RFX2: variants seen among roughly 807,000 people sequenced by gnomAD.
RFX2 encodes regulatory factor X2.
A neutral mutation model predicts 87.8 loss-of-function variants in RFX2; 20 were observed. That is an observed-to-expected ratio of 0.23 (90% CI 0.16 to 0.33). The LOEUF (loss-of-function observed/expected upper bound fraction) is 0.33. Ranked by LOEUF, RFX2 falls within the 10% of genes least tolerant of loss-of-function variation. The pLI is 1.00. For missense variants in RFX2, 767 were observed against 1,012.3 expected (o/e 0.76, Z 3.29); for synonymous variants, 397 against 431.3 (o/e 0.92, Z 0.98).
Position 6,017,078 on chromosome 19 carries a change from T to G in RFX2, c.598-807A>C, listed in dbSNP as rs2086735918. On this transcript the variant is annotated intron_variant, in intron 6 of 17. Transcript: ENST00000303657. The surrounding 1 kb of genome is among the most constrained non-coding windows in gnomAD (Gnocchi z 4.1). ...TCAGTAAAATACACAAATGCTTATA[T>G]GCACGGTTTTGTGTCTAAGTCAAAA... Among the ~76,000 whole-genome samples, 1 of 152,144 alleles carries G rather than the reference T, an allele frequency of 6.6e-6. No individual in the cohort carries two copies. Among genetic ancestry groups the G allele is most frequent in the African/African-American group, 2.4e-5 (1 of 41,434 alleles).
Position 6,042,118 on chromosome 19 carries a change from C to T in RFX2, c.186G>A (p.Gln62=), listed in dbSNP as rs757786071. The change falls in exon 4 of 18, where the codon CAG becomes CAA. Residue 62 remains glutamine, a synonymous_variant. Transcript: ENST00000303657. The part of the protein sequence containing the change: ...PRVQQVPQQV[Q]PVQHVYPAQV... ...GGGCAGGATACACGTGCTGCACCGG[C>T]TGCACCTGAAACATCGGATACGCTG... 116 of 1,613,748 alleles carry T rather than the reference C, an allele frequency of 7.2e-5. No individual in the cohort carries two copies. The highest frequency in any genetic ancestry group is 1.2e-4 in the Admixed American group (7 of 60,016).
chr19:6,025,148 G>A (rs1272901619), intron 6 of RFX2, among the ~76,000 whole-genome samples: 1 of 152,154 alleles, frequency 6.6e-6, no homozygotes, highest in Non-Finnish European at 1.5e-5. Flanking sequence ...GTGCAAAACC[G>A]AATCAAGAGC....
At chr19:6,092,387 G>A (rs1337406401) in intron 1 of RFX2, among the ~76,000 whole-genome samples, 1 of 152,152 alleles carries the variant, frequency 6.6e-6, no homozygotes, top group Admixed American at 6.5e-5. Context: ...TGGCCCCGCA[G>A]GCTGCATGCT....
chr19:6,103,773 A>G (rs761948937), intron 1 of RFX2, among the ~76,000 whole-genome samples: 4 of 152,126 alleles, frequency 2.6e-5, no homozygotes, highest in African/African-American at 9.7e-5. Flanking sequence ...GGAATTTCCT[A>G]CCCTAAAACA....
chr19:6,086,630 C>G (rs1237528169), intron 1 of RFX2, among the ~76,000 whole-genome samples: 1 of 152,256 alleles, frequency 6.6e-6, no homozygotes, highest in Non-Finnish European at 1.5e-5. Flanking sequence ...AGAATCTAAT[C>G]TTGCCGGAAA....
intron 1 of RFX2, among the ~76,000 whole-genome samples, chr19:6,095,800 T>G (rs2088013100): frequency 6.6e-6 from 1 of 152,230 alleles, no homozygotes; most frequent in Non-Finnish European, 1.5e-5. Context: ...GCCGCTAGCC[T>G]GTTTGTGTAT....
rs201584029 is a variant in RFX2 at position 6,100,870 on chromosome 19, TG to T, written c.-9+9522del. Reference sequence around the variant, plus strand: ...ATTAATTGAATTATATTGATTTAATTGAATTAATTAATTGAATTAATTAATC... The same window carrying T: ...ATTAATTGAATTATATTGATTTAATTAATTAATTAATTGAATTAATTAATC... On this transcript the variant is annotated intron_variant, in intron 1 of 17. Coordinates refer to ENST00000303657, the MANE Select transcript of RFX2 (RefSeq NM_000635.4). 7.3e-3 allele frequency among the ~76,000 whole-genome samples: 1,026 copies of T among 140,794 alleles called. 9 individuals carry two copies. Among genetic ancestry groups the T allele is most frequent in the African/African-American group, 0.032 (983 of 31,086 alleles). 92.4% of individuals were successfully genotyped at this position (140,794 alleles called of 152,430 possible).
chr19:6,023,730 A>T lies in RFX2; in HGVS notation c.597+2433T>A, dbSNP rs2086850796. On this transcript the variant is annotated intron_variant, in intron 6 of 17. Transcript: ENST00000303657. This position sits in a 1 kb window ranked among gnomAD's most constrained non-coding sequence, Gnocchi z 4.9. ...TCGGATGAAGTGTTAGAAAGCAGGAAGGATCCCAGCAGCCAGAGACAAGCG... is the reference window on the plus strand; with the variant it reads ...TCGGATGAAGTGTTAGAAAGCAGGATGGATCCCAGCAGCCAGAGACAAGCG... Among the ~76,000 whole-genome samples, 1 of 152,122 alleles carries T rather than the reference A, an allele frequency of 6.6e-6. No individual in the cohort carries two copies. The highest frequency in any genetic ancestry group is 2.4e-5 in the African/African-American group (1 of 41,426).
intron 5 of RFX2, among the ~76,000 whole-genome samples, chr19:6,037,659 A>G (rs1450714051): frequency 6.6e-6 from 1 of 152,236 alleles, no homozygotes; most frequent in East Asian, 1.9e-4. Flanking sequence ...GATATAGATA[A>G]ATTGATCTAA....
chr19:6,018,260 G>A (rs562147898), intron 6 of RFX2, among the ~76,000 whole-genome samples: 6 of 152,290 alleles, frequency 3.9e-5, no homozygotes, highest in African/African-American at 9.6e-5. Context: ...GTGAGCCACC[G>A]CGCCCGGCCT....
chr19:6,053,027 T>C (rs1321495512), intron 1 of RFX2, among the ~76,000 whole-genome samples: 1 of 151,862 alleles, frequency 6.6e-6, no homozygotes, highest in Non-Finnish European at 1.5e-5. Flanking sequence ...TAAAAAGCTA[T>C]ATAGAAAGAC....
chr19:6,075,421 C>T (rs955660037), intron 1 of RFX2, among the ~76,000 whole-genome samples: 1 of 152,126 alleles, frequency 6.6e-6, no homozygotes, highest in Admixed American at 6.5e-5. Flanking sequence ...TTGGAAGTAT[C>T]AACGGTCAAT....
In RFX2 at chr19:6,064,079, C is replaced by T. The variant is rs2087477058; in HGVS notation, c.-8-16575G>A. ...TGGATCTATGTCATCTCAGCAGCCC[C>T]CTCACAGATCCCTCACCCCAACCCC... On this transcript the variant is annotated intron_variant, in intron 1 of 17. Transcript: ENST00000303657. The surrounding 1 kb of genome is among the most constrained non-coding windows in gnomAD (Gnocchi z 4.8). Among the ~76,000 whole-genome samples the T allele has an allele frequency of 6.6e-6, 1 of 152,218 alleles. No homozygotes were observed. Among genetic ancestry groups the T allele is most frequent in the Non-Finnish European group, 1.5e-5 (1 of 68,042 alleles).
At position 6,010,275 on chromosome 19, in the gene RFX2, T is replaced by C; in HGVS notation, c.900-24A>G. On this transcript the variant is annotated intron_variant, in intron 8 of 17. Transcript: ENST00000303657. The surrounding 1 kb of genome is among the most constrained non-coding windows in gnomAD (Gnocchi z 5.0). ...ACCTAGGCCAGGAACACGCATACCA[T>C]CATGAGGCCCAGCAGCCCTGCTGCG... is the stretch of plus-strand genomic sequence containing the variant. 2 of 1,476,876 alleles carry C rather than the reference T, an allele frequency of 1.4e-6. No homozygotes were observed. The highest frequency in any genetic ancestry group is 1.8e-6 in the Non-Finnish European group (2 of 1,085,156). 91.5% of individuals were successfully genotyped at this position (1,476,876 alleles called of 1,614,324 possible).
At chr19:6,109,729 G>A (rs1425869950) in intron 1 of RFX2, among the ~76,000 whole-genome samples, 2 of 152,040 alleles carry the variant, frequency 1.3e-5, no homozygotes, top group Non-Finnish European at 1.5e-5. Context: ...CCAATTCAGG[G>A]AGTTTGAGGG....
intron 3 of RFX2, among the ~76,000 whole-genome samples, chr19:6,043,902 T>C (rs2087148238): frequency 6.6e-6 from 1 of 152,264 alleles, no homozygotes; most frequent in African/African-American, 2.4e-5. Flanking sequence ...TGTCTGCATT[T>C]CTACCTGAGC....
chr19:6,005,947 C>T (rs1432307816), intron 12 of RFX2, among the ~76,000 whole-genome samples: 8 of 152,180 alleles, frequency 5.3e-5, no homozygotes, highest in African/African-American at 9.7e-5. Context: ...CGCACAGTGA[C>T]GGCTCCAGGG....
rs927880899 is a variant in RFX2, at chr19:6,044,744, C to T, written c.91-462G>A. On this transcript the variant is annotated intron_variant, in intron 2 of 17. Transcript: ENST00000303657. The surrounding 1 kb of genome is among the most constrained non-coding windows in gnomAD (Gnocchi z 5.3). ...CACTGCGTGGGAGAGCACTCTGTGG[C>T]GCCCCTCGCTTCTGCAGTATAACCC... is the stretch of plus-strand genomic sequence containing the variant. Among the ~76,000 whole-genome samples, 10 of 152,200 alleles carry T rather than the reference C, an allele frequency of 6.6e-5. No homozygotes were observed. Among genetic ancestry groups the T allele is most frequent in the African/African-American group, 1.9e-4 (8 of 41,446 alleles).
chr19:6,005,300 C>G (rs1420200475), intron 12 of RFX2, among the ~76,000 whole-genome samples: 1 of 152,248 alleles, frequency 6.6e-6, no homozygotes, highest in Non-Finnish European at 1.5e-5. Flanking sequence ...GTTTACTCAA[C>G]AGGACGGAGA....
Sources: allele counts gnomAD v4.1 joint callset (sites outside exome capture counted in the v4.1 genomes callset), GRCh38; gene constraint gnomAD v4.1.1; non-coding constraint Gnocchi (gnomAD v3.1); transcripts MANE v1.5; gene names NCBI Gene and HGNC (gene_info 2026-07-23, HGNC 2026-07-21).